Variants in ARHGAP12 observed in about 807,000 individuals in gnomAD.
ARHGAP12 encodes Rho GTPase activating protein 12, also known as rho GTPase-activating protein 12.
In ARHGAP12, 64 loss-of-function variants were observed where a neutral mutation model predicts 108.6. The observed-to-expected ratio is 0.59, with a 90% CI of 0.48 to 0.73. ARHGAP12 has a LOEUF of 0.73. ARHGAP12 is among the 30% of genes least tolerant of loss of function. ARHGAP12 has a pLI of 0.00. For missense variants in ARHGAP12, 940 were observed against 1,005.9 expected, an observed-to-expected ratio of 0.93 and a Z score of 0.89; for synonymous variants, 312 against 337.2, an observed-to-expected ratio of 0.93 and a Z score of 0.82.
At chr10:31,822,292 C>T (rs1164605383) in intron 11 of ARHGAP12, among the ~76,000 whole-genome samples, 1 of 152,094 alleles carries the variant, frequency 6.6e-6, no homozygotes, top group East Asian at 1.9e-4. Context: ...AGCAGGCCGA[C>T]GACGGACAGA....
rs1839229448 is a variant in ARHGAP12, at chr10:31,908,562, C to T, written c.294G>A (p.Leu98=). Residue 98 remains leucine (L), a synonymous_variant, in exon 3 of 20, where the codon TTG becomes TTA. Transcript: ENST00000344936. ...CATTTTCTGTTGATCTCTGAAGATG[C>T]AAACTCTGCATTATTTTCGTGGAGT... ...PNNSTKIMQS[L]HLQRSTENVN... The T allele has an allele frequency of 1.2e-6, 2 of 1,614,198 alleles. No individual in the cohort carries two copies. Among genetic ancestry groups the T allele is most frequent in the Non-Finnish European group, 1.7e-6 (2 of 1,180,030 alleles).
At chr10:31,912,195 AT>A (rs1208604677) in intron 1 of ARHGAP12, among the ~76,000 whole-genome samples, 2 of 152,214 alleles carry the variant, frequency 1.3e-5, no homozygotes, top group South Asian at 2.1e-4. Context: ...TCCTTAGGTG[AT>A]TTTTTTTCCA....
rs114082370 is a variant in ARHGAP12, at chr10:31,871,875, A to C, written c.685-10217T>G. Among the ~76,000 whole-genome samples, 359 of 152,306 alleles carry C rather than the reference A, an allele frequency of 2.4e-3. 3 individuals carry two copies. Among genetic ancestry groups the C allele is most frequent in the African/African-American group, 8.2e-3 (342 of 41,566 alleles). Reference sequence around the variant, plus strand: ...CAATTAGGAAGTTTATTACAGGCAAAAGATTTGCCAAAAAGGGAACAAATG... The same window carrying C: ...CAATTAGGAAGTTTATTACAGGCAACAGATTTGCCAAAAAGGGAACAAATG... On this transcript the variant is annotated intron_variant, in intron 3 of 19. Coordinates refer to ENST00000344936, the MANE Select transcript of ARHGAP12 (RefSeq NM_018287.7).
chr10:31,854,499 CT>C (rs1836814112), intron 4 of ARHGAP12, among the ~76,000 whole-genome samples: 2 of 152,070 alleles, frequency 1.3e-5, no homozygotes, highest in Non-Finnish European at 2.9e-5. Flanking sequence ...CTTAGTGCTG[CT>C]TTCGTGCTGA....
At chr10:31,904,149 A>C (rs1839031313) in intron 3 of ARHGAP12, among the ~76,000 whole-genome samples, 1 of 152,238 alleles carries the variant, frequency 6.6e-6, no homozygotes, top group African/African-American at 2.4e-5. Context: ...TCACATAAAA[A>C]CCTGTACAGA....
At chr10:31,880,290 C>T (rs1377990149) in intron 3 of ARHGAP12, among the ~76,000 whole-genome samples, 2 of 151,840 alleles carry the variant, frequency 1.3e-5, no homozygotes, top group Non-Finnish European at 2.9e-5. Flanking sequence ...TCTTAAAGTC[C>T]CTAGTTCAAG....
intron 4 of ARHGAP12, among the ~76,000 whole-genome samples, chr10:31,855,659 T>C (rs78486771): frequency 0.012 from 1,891 of 152,280 alleles, 44 homozygotes; most frequent in African/African-American, 0.043. Flanking sequence ...TGCAAGCTCA[T>C]AGACGAGAAG....
In ARHGAP12 at chr10:31,892,893, A is replaced by C. The variant is rs527271211; in HGVS notation, c.684+15279T>G. Among the ~76,000 whole-genome samples the C allele has an allele frequency of 2.6e-5, 4 of 152,310 alleles. No individual in the cohort carries two copies. In the East Asian group the frequency reaches 7.7e-4, roughly 29 times the overall value. ...AATGTAAAATAACAGAAATTATAAC[A>C]AACTGTCTCTCAGACCACAGTGCAA... On this transcript the variant is annotated intron_variant, in intron 3 of 19. Coordinates refer to ENST00000344936, the MANE Select transcript of ARHGAP12 (RefSeq NM_018287.7).
intron 6 of ARHGAP12, among the ~76,000 whole-genome samples, chr10:31,844,134 G>A (rs890140186): frequency 6.6e-6 from 1 of 152,088 alleles, no homozygotes; most frequent in African/African-American, 2.4e-5. Context: ...TATGTGAGTT[G>A]AAGATATCTT....
intron 1 of ARHGAP12, among the ~76,000 whole-genome samples, chr10:31,919,901 G>A (rs11594848): frequency 0.24 from 35,898 of 151,022 alleles, 4,526 homozygotes; most frequent in Non-Finnish European, 0.29. Flanking sequence ...GGTGGATCAC[G>A]AGGTAGGAGT....
intron 3 of ARHGAP12, among the ~76,000 whole-genome samples, chr10:31,902,172 T>TA (rs1838954413): frequency 6.6e-6 from 1 of 152,030 alleles, no homozygotes; most frequent in African/African-American, 2.4e-5. Flanking sequence ...TGCATGGTAT[T>TA]AAAGAAAGGA....
At chr10:31,841,536 T>C (rs1015662461) in intron 7 of ARHGAP12, among the ~76,000 whole-genome samples, 3 of 152,158 alleles carry the variant, frequency 2.0e-5, no homozygotes, top group African/African-American at 4.8e-5. Flanking sequence ...AGCCACCTGA[T>C]TACCAGGGTA....
chr10:31,821,994 T>TACAAATA (rs1564370758), intron 11 of ARHGAP12, among the ~76,000 whole-genome samples: 12 of 152,172 alleles, frequency 7.9e-5, no homozygotes, highest in Admixed American at 6.5e-4. Context: ...ACGCTGTAGA[T>TACAAATA]GGGTAGCTCT....
At chr10:31,831,708 A>G (rs1253580962) in intron 10 of ARHGAP12, 31 bp downstream of exon 10, 4 of 1,426,342 alleles carry the variant, frequency 2.8e-6, no homozygotes, top group South Asian at 1.3e-5. Flanking sequence ...CAGATGAATC[A>G]TGTAAGAACA....
At chr10:31,841,336 C>A (rs1836256128) in intron 7 of ARHGAP12, among the ~76,000 whole-genome samples, 1 of 152,146 alleles carries the variant, frequency 6.6e-6, no homozygotes, top group Non-Finnish European at 1.5e-5. Flanking sequence ...CCTATGTCAT[C>A]ACAACAACAT....
chr10:31,830,184 G>C (rs1226135638), intron 10 of ARHGAP12, among the ~76,000 whole-genome samples: 1 of 152,004 alleles, frequency 6.6e-6, no homozygotes, highest in Non-Finnish European at 1.5e-5. Context: ...TAAGGTTATA[G>C]AGAGTAGACC....
chr10:31,899,335 C>T (rs1034329271), intron 3 of ARHGAP12, among the ~76,000 whole-genome samples: 2 of 152,168 alleles, frequency 1.3e-5, no homozygotes, highest in South Asian at 2.1e-4. Context: ...AGATTCAATC[C>T]AATTCCAATC....
At chr10:31,928,852 G>GGCGCGGGGGCGGGGCTCACGTGAC (rs1444541232), upstream of ARHGAP12, 4 of 151,620 alleles carry the variant, frequency 2.6e-5, no homozygotes, top group East Asian at 2.0e-4. Context: ...GGAGCGCGCC[G>GGCGCGGGGGCGGGGCTCACGTGAC]GCGCGGGGGC....
chr10:31,833,688 G>A (rs1835914724), intron 9 of ARHGAP12, among the ~76,000 whole-genome samples: 1 of 152,170 alleles, frequency 6.6e-6, no homozygotes, highest in Non-Finnish European at 1.5e-5. Context: ...CATGCTATGA[G>A]AAAGCTATGC....
Sources: allele counts gnomAD v4.1 joint callset (sites outside exome capture counted in the v4.1 genomes callset), GRCh38; gene constraint gnomAD v4.1.1; transcripts MANE v1.5; gene names NCBI Gene and HGNC (gene_info 2026-07-23, HGNC 2026-07-21).